Variants in LONRF2 observed in about 807,000 individuals in gnomAD.
The protein encoded by LONRF2 is LON peptidase N-terminal domain and RING finger protein 2.
In LONRF2, 35 loss-of-function variants were observed where a neutral mutation model predicts 66.6. That is an observed-to-expected ratio of 0.53 (90% CI 0.40 to 0.70). The LOEUF is 0.70. Among genes scored for constraint, LONRF2 ranks in the 30% least tolerant of loss-of-function variants. LONRF2 has a pLI of 0.00. For missense variants in LONRF2, 902 were observed against 1,002.1 expected, an observed-to-expected ratio of 0.90 and a Z score of 1.35; for synonymous variants, 417 against 418.1, an observed-to-expected ratio of 1.00 and a Z score of 0.03.
At chr2:100,311,356 G>GA (rs1352565907) in intron 1 of LONRF2, among the ~76,000 whole-genome samples, 2 of 112,840 alleles carry the variant, frequency 1.8e-5, no homozygotes, top group African/African-American at 6.1e-5. Context: ...AAGGAGATTT[G>GA]GAAAAAAAAA....
chr2:100,309,056 A>C, intron 2 of LONRF2, 51 bp downstream of exon 2: 1 of 1,246,414 alleles, frequency 8.0e-7, no homozygotes, highest in Non-Finnish European at 1.1e-6. Context: ...TTTTTAAGAA[A>C]ATCATATAAA....
chr2:100,301,708 C>A (rs1039954351), intron 3 of LONRF2, among the ~76,000 whole-genome samples: 9 of 152,368 alleles, frequency 5.9e-5, no homozygotes, highest in African/African-American at 2.2e-4. Context: ...AGGTAGACAA[C>A]AACCCAGAAG....
intron 3 of LONRF2, among the ~76,000 whole-genome samples, chr2:100,301,174 C>A (rs770448758): frequency 1.3e-5 from 2 of 152,128 alleles, no homozygotes; most frequent in African/African-American, 4.8e-5. Flanking sequence ...GGTCACTATA[C>A]AGAACTGCTT....
chr2:100,287,082 A>G lies in LONRF2; in HGVS notation c.1921-19T>C. ...CCTCCACCTGATCAGGGAAAGAGGCACAGCTGTGTGAACCATTCACAGTAA... is the reference window on the plus strand; with the variant it reads ...CCTCCACCTGATCAGGGAAAGAGGCGCAGCTGTGTGAACCATTCACAGTAA... On this transcript the variant is annotated intron_variant, in intron 10 of 11. Coordinates refer to ENST00000393437, the MANE Select transcript of LONRF2 (RefSeq NM_198461.4). The G allele has an allele frequency of 6.2e-7, 1 of 1,612,008 alleles. No homozygotes were observed. The highest frequency in any genetic ancestry group is 1.1e-5 in the South Asian group (1 of 90,628).
chr2:100,314,000 A>C (rs1352581298), intron 1 of LONRF2, among the ~76,000 whole-genome samples: 2 of 152,160 alleles, frequency 1.3e-5, no homozygotes, highest in African/African-American at 4.8e-5. Context: ...TACTCATTCT[A>C]CTAGTGATGA....
intron 1 of LONRF2, among the ~76,000 whole-genome samples, chr2:100,320,313 A>T (rs1181536011): frequency 6.6e-6 from 1 of 152,246 alleles, no homozygotes; most frequent in Non-Finnish European, 1.5e-5. Flanking sequence ...TATGCCTGTT[A>T]AAGTATGGAT....
chr2:100,314,439 CAATGGTGTT>C (rs1249164066), intron 1 of LONRF2, among the ~76,000 whole-genome samples: 1 of 152,132 alleles, frequency 6.6e-6, no homozygotes, highest in East Asian at 1.9e-4. Context: ...TTGTTTCTAT[CAATGGTGTT>C]AAGTGAGTAC....
rs1675169202 is a variant in LONRF2, at chr2:100,300,754, T to C, written c.955A>G (p.Asn319Asp). Reference protein sequence around the residue: ...MCEVLFSATANVHENLTSSIQ... With the variant: ...MCEVLFSATADVHENLTSSIQ... ...GAAGATGTTAAATTTTCATGCACAT[T>C]TGCTGTAGCTGAAAACAGCACTTCA... is the stretch of plus-strand genomic sequence containing the variant. Residue 319 changes from asparagine to aspartate, a missense_variant, in exon 4 of 12, where the codon AAT becomes GAT. Transcript: ENST00000393437. 1 of 1,612,242 alleles carries C rather than the reference T, an allele frequency of 6.2e-7. No individual in the cohort carries two copies.
chr2:100,312,143 G>C (rs941249029), intron 1 of LONRF2, among the ~76,000 whole-genome samples: 17 of 152,120 alleles, frequency 1.1e-4, no homozygotes, highest in African/African-American at 3.9e-4. Flanking sequence ...CTTGACCTTA[G>C]CGCCTTTTCA....
chr2:100,307,217 G>T (rs1328029503), intron 2 of LONRF2, among the ~76,000 whole-genome samples: 1 of 152,168 alleles, frequency 6.6e-6, no homozygotes, highest in African/African-American at 2.4e-5. Context: ...ACCGCGCCCG[G>T]CCTAAACTTA....
In LONRF2 at chr2:100,300,683, GGCATTC is replaced by G. The variant is rs1333481247; in HGVS notation, c.1020_1025del (p.Met340_Ala342delinsIle). ...CATCACCTTCTTCCAGCAGAGCCTG[GGCATTC>G]ATGTGGCTGTGACCCTGAGCCTTTA... is the stretch of plus-strand genomic sequence containing the variant. On this transcript the variant is annotated inframe_deletion, in exon 4 of 12. Transcript: ENST00000393437. 1 of 1,613,154 alleles carries G rather than the reference GGCATTC, an allele frequency of 6.2e-7. No individual in the cohort carries two copies. The highest frequency in any genetic ancestry group is 8.5e-7 in the Non-Finnish European group (1 of 1,179,812).
intron 11 of LONRF2, among the ~76,000 whole-genome samples, chr2:100,284,939 G>A (rs754436716): frequency 1.3e-5 from 2 of 152,190 alleles, no homozygotes; most frequent in Non-Finnish European, 2.9e-5. Context: ...TGGCAAATGA[G>A]TGTATGTATG....
At chr2:100,317,563 T>C (rs138925654) in intron 1 of LONRF2, among the ~76,000 whole-genome samples, 78 of 152,340 alleles carry the variant, frequency 5.1e-4, no homozygotes, top group Non-Finnish European at 1.0e-3. Flanking sequence ...CTTTACTCTG[T>C]GCATTAGTTT....
rs57328601 is a variant in LONRF2, at chr2:100,272,492, A to C, written c.*11806T>G. ...CCAGCCTGGATGACACAGCAAGACC[A>C]TGTCCCCCAAGAAGAAAATAAATAA... On this transcript the variant is annotated 3_prime_UTR_variant, in exon 12 of 12. Coordinates refer to ENST00000393437, the MANE Select transcript of LONRF2 (RefSeq NM_198461.4). 0.22 allele frequency among the ~76,000 whole-genome samples: 33,504 copies of C among 151,842 alleles called. 4,045 individuals are homozygous for C. Among genetic ancestry groups the C allele is most frequent in the Admixed American group, 0.32 (4,857 of 15,214 alleles).
chr2:100,317,082 G>A (rs1675523496), intron 1 of LONRF2, among the ~76,000 whole-genome samples: 2 of 152,116 alleles, frequency 1.3e-5, no homozygotes, highest in Admixed American at 1.3e-4. Context: ...TACCTCGTGT[G>A]TAAACAGCAT....
At chr2:100,291,117 C>T (rs1264220702) in intron 9 of LONRF2, among the ~76,000 whole-genome samples, 2 of 152,096 alleles carry the variant, frequency 1.3e-5, no homozygotes, top group Non-Finnish European at 2.9e-5. Context: ...AAAGATCCCA[C>T]AGGGAGAGAG....
chr2:100,285,421 GA>G (rs938040179), intron 11 of LONRF2, among the ~76,000 whole-genome samples: 1 of 152,082 alleles, frequency 6.6e-6, no homozygotes, highest in Non-Finnish European at 1.5e-5. Flanking sequence ...CACAGAGAAA[GA>G]AAAAAACTGA....
At chr2:100,299,088 T>A (rs1017342576) in intron 6 of LONRF2, 138 bp from the exon 7 acceptor site, 8 of 859,570 alleles carry the variant, frequency 9.3e-6, no homozygotes, top group Non-Finnish European at 1.5e-5. Context: ...TTATATCTTA[T>A]TAAATCTTTA....
At chr2:100,286,443 A>G (rs566735511) in intron 11 of LONRF2, among the ~76,000 whole-genome samples, 2 of 152,324 alleles carry the variant, frequency 1.3e-5, no homozygotes, top group East Asian at 3.9e-4. Flanking sequence ...AGCACCAGAG[A>G]AAGCCCATGA....
Sources: allele counts gnomAD v4.1 joint callset (sites outside exome capture counted in the v4.1 genomes callset), GRCh38; gene constraint gnomAD v4.1.1; transcripts MANE v1.5; gene names NCBI Gene and HGNC (gene_info 2026-07-23, HGNC 2026-07-21).